The following MYO1B variants were observed in gnomAD, a reference collection of about 807,000 sequenced individuals.
The protein encoded by MYO1B is myosin IB, also known as unconventional myosin-Ib.
A neutral mutation model predicts 159.7 loss-of-function variants in MYO1B; 72 were observed. The ratio of observed to expected loss-of-function variants is 0.45; its 90% CI spans 0.37 to 0.55. The LOEUF is 0.55. Ranked by LOEUF, MYO1B falls within the 20% of genes least tolerant of loss-of-function variation. MYO1B has a pLI of 0.00. For missense variants in MYO1B, 1,062 were observed against 1,364.8 expected (o/e 0.78, Z 3.50); for synonymous variants, 468 against 473.8 (o/e 0.99, Z 0.16).
chr2:191,395,116 G>T (rs367551950), intron 20 of MYO1B, among the ~76,000 whole-genome samples: 10 of 152,260 alleles, frequency 6.6e-5, no homozygotes, highest in African/African-American at 2.2e-4. Context: ...ATTTTCAAGT[G>T]AGATATACTT....
chr2:191,278,420 A>T (rs559257416), intron 2 of MYO1B, among the ~76,000 whole-genome samples: 4 of 152,372 alleles, frequency 2.6e-5, no homozygotes, highest in African/African-American at 9.6e-5. Context: ...AGATAGAAAC[A>T]TTGAGACCAC....
chr2:191,311,635 A>C (rs1489990258), intron 3 of MYO1B, among the ~76,000 whole-genome samples: 1 of 152,224 alleles, frequency 6.6e-6, no homozygotes, highest in African/African-American at 2.4e-5. Context: ...AAGCTTATGC[A>C]TATTTTTCTC....
chr2:191,334,334 A>G (rs543145056), intron 4 of MYO1B, among the ~76,000 whole-genome samples: 2 of 152,238 alleles, frequency 1.3e-5, no homozygotes, highest in East Asian at 3.9e-4. Flanking sequence ...TCCTGGAGCC[A>G]GATTCCATCT....
chr2:191,400,215 C>T (rs1202094431), intron 21 of MYO1B, among the ~76,000 whole-genome samples, 167 bp from the exon 22 acceptor site: 1 of 152,140 alleles, frequency 6.6e-6, no homozygotes, highest in Non-Finnish European at 1.5e-5. Context: ...TCATTGTCCA[C>T]CTTCTCATAG....
At chr2:191,287,805 T>C (rs923221757) in intron 2 of MYO1B, among the ~76,000 whole-genome samples, 3 of 152,086 alleles carry the variant, frequency 2.0e-5, no homozygotes, top group Non-Finnish European at 2.9e-5. Flanking sequence ...AAAACTGCTT[T>C]TGGACTCAAG....
chr2:191,259,739 G>T (rs1686680796), intron 1 of MYO1B, among the ~76,000 whole-genome samples: 2 of 152,160 alleles, frequency 1.3e-5, no homozygotes, highest in African/African-American at 2.4e-5. Context: ...GTAATGGATG[G>T]AGTGACTTGG....
At chr2:191,388,458 C>T (rs1031813624) in intron 17 of MYO1B, among the ~76,000 whole-genome samples, 2 of 152,128 alleles carry the variant, frequency 1.3e-5, no homozygotes, top group Non-Finnish European at 2.9e-5. Flanking sequence ...TCATAGAGCA[C>T]ACCCATACCC....
chr2:191,276,287 A>C (rs1478014625), intron 1 of MYO1B, among the ~76,000 whole-genome samples: 10 of 152,194 alleles, frequency 6.6e-5, no homozygotes, highest in Admixed American at 6.5e-4. Flanking sequence ...GTGGTAATTG[A>C]GTTCTTTCAC....
intron 13 of MYO1B, among the ~76,000 whole-genome samples, chr2:191,372,277 C>T (rs1010089830): frequency 1.3e-5 from 2 of 152,122 alleles, no homozygotes; most frequent in African/African-American, 4.8e-5. Flanking sequence ...AGCCAGTGGG[C>T]AATGGCTTAA....
intron 2 of MYO1B, among the ~76,000 whole-genome samples, chr2:191,288,604 A>G (rs1250723205): frequency 6.6e-6 from 1 of 152,236 alleles, no homozygotes; most frequent in African/African-American, 2.4e-5. Flanking sequence ...CTTCCCAGGC[A>G]CACAGACACT....
chr2:191,289,816 TATCTTACC>T lies in MYO1B; in HGVS notation c.136-6294_136-6287del, dbSNP rs1317922266. On this transcript the variant is annotated intron_variant, in intron 2 of 30. Transcript: ENST00000392318. ...AGGATTTAGGGCTTCTAAAGATCTC[TATCTTACC>T]CTGGGAAGAATTATGATATAAAAGA... Among the ~76,000 whole-genome samples, 157 of 152,334 alleles carry T rather than the reference TATCTTACC, an allele frequency of 1.0e-3. 4 individuals carry two copies. In the South Asian group the frequency reaches 0.031, roughly 30 times the overall value.
chr2:191,417,643 G>C (rs1559251643), intron 30 of MYO1B, among the ~76,000 whole-genome samples: 1 of 152,148 alleles, frequency 6.6e-6, no homozygotes, highest in Non-Finnish European at 1.5e-5. Context: ...AGACCACAAA[G>C]TACTGCTATT....
intron 1 of MYO1B, among the ~76,000 whole-genome samples, chr2:191,259,328 G>C (rs1383876580): frequency 6.6e-6 from 1 of 152,210 alleles, no homozygotes; most frequent in Non-Finnish European, 1.5e-5. Flanking sequence ...AACAGCAGCT[G>C]AAGGGATGCA....
At position 191,423,996 on chromosome 2, in the gene MYO1B, T is replaced by A; in HGVS notation, c.*36T>A. ...CTCTCTACTTTCATGGACTTGTTCCTTTGTAATAGTGCAATTTGGTTTTGT... is the reference window on the plus strand; with the variant it reads ...CTCTCTACTTTCATGGACTTGTTCCATTGTAATAGTGCAATTTGGTTTTGT... On this transcript the variant is annotated 3_prime_UTR_variant, in exon 31 of 31. Transcript: ENST00000392318. 1 of 1,596,258 alleles carries A rather than the reference T, an allele frequency of 6.3e-7. No homozygotes were observed. Among genetic ancestry groups the A allele is most frequent in the Admixed American group, 1.8e-5 (1 of 56,884 alleles).
chr2:191,379,715 T>C (rs1484173521), intron 13 of MYO1B, among the ~76,000 whole-genome samples: 1 of 152,190 alleles, frequency 6.6e-6, no homozygotes. Context: ...AGATCTGCTC[T>C]TATAAGTTAT....
At chr2:191,326,809 T>TGC (rs1216576159) in intron 3 of MYO1B, among the ~76,000 whole-genome samples, 8 of 140,754 alleles carry the variant, frequency 5.7e-5, no homozygotes, top group East Asian at 2.1e-4. Flanking sequence ...TGTGTGTGTG[T>TGC]GTGTGTGCGC....
intron 1 of MYO1B, among the ~76,000 whole-genome samples, chr2:191,263,919 G>A (rs554734276): frequency 9.0e-4 from 137 of 152,216 alleles, no homozygotes; most frequent in African/African-American, 3.2e-3. Context: ...CATTTTATTT[G>A]TGACTTAAAA....
chr2:191,339,371 A>G (rs1024542030), intron 4 of MYO1B, among the ~76,000 whole-genome samples: 2 of 152,230 alleles, frequency 1.3e-5, no homozygotes, highest in African/African-American at 2.4e-5. Flanking sequence ...GGCTCAGGAC[A>G]GCCTGAATGG....
At chr2:191,400,223 TAGTC>T (rs1392759941) in intron 21 of MYO1B, among the ~76,000 whole-genome samples, 155 bp from the exon 22 acceptor site, 2 of 152,164 alleles carry the variant, frequency 1.3e-5, no homozygotes, top group Admixed American at 1.3e-4. Context: ...CACCTTCTCA[TAGTC>T]AGTTTGGGGC....
Sources: gnomAD v4.1 joint callset for allele counts (sites outside exome capture counted in the v4.1 genomes callset) on GRCh38, gnomAD v4.1.1 for gene constraint, MANE v1.5 for transcripts, NCBI Gene and HGNC (gene_info 2026-07-23, HGNC 2026-07-21) for gene names.